The following PDE8B variants were observed in gnomAD, a reference collection of about 807,000 sequenced individuals.
PDE8B encodes phosphodiesterase 8B, also known as high affinity cAMP-specific and IBMX-insensitive 3',5'-cyclic phosphodiesterase 8B.
PDE8B carries 26 observed loss-of-function variants against 101.3 expected under a neutral mutation model. The ratio of observed to expected loss-of-function variants is 0.26; its 90% CI spans 0.19 to 0.36. The LOEUF (loss-of-function observed/expected upper bound fraction) is 0.36. Ranked by LOEUF, PDE8B falls within the 10% of genes least tolerant of loss-of-function variation. PDE8B has a pLI of 1.00. For missense variants in PDE8B, 810 were observed against 1,163.1 expected (o/e 0.70, Z 4.42); for synonymous variants, 424 against 429.3 (o/e 0.99, Z 0.15).
chr5:77,105,754 A>G, the PDE8B span: 1 of 152,228 alleles, frequency 6.6e-6, no homozygotes, highest in Admixed American at 6.5e-5. Flanking sequence ...GTAACATTTT[A>G]CACTCCTACC....
intron 1 of PDE8B, among the ~76,000 whole-genome samples, chr5:77,272,447 C>G (rs942014958): frequency 1.3e-5 from 2 of 152,196 alleles, no homozygotes; most frequent in African/African-American, 4.8e-5. Flanking sequence ...CCTGTTATTT[C>G]ACAATCAGTG....
chr5:77,292,074 C>G (rs1300077624), intron 1 of PDE8B, among the ~76,000 whole-genome samples: 1 of 150,534 alleles, frequency 6.6e-6, no homozygotes, highest in Non-Finnish European at 1.5e-5. Flanking sequence ...ACATTTTGTG[C>G]TAAGGAGCAA....
At chr5:77,412,043 C>T in intron 15 of PDE8B, 57 bp from the exon 16 acceptor site, 1 of 1,585,688 alleles carries the variant, frequency 6.3e-7, no homozygotes, top group Non-Finnish European at 8.7e-7. Context: ...TGACAGACAC[C>T]CGGGCACTCA....
intron 17 of PDE8B, among the ~76,000 whole-genome samples, chr5:77,417,676 G>T (rs1173550910): frequency 1.3e-5 from 2 of 152,104 alleles, no homozygotes; most frequent in Non-Finnish European, 2.9e-5. Flanking sequence ...GCTGAATTTT[G>T]TTCTTATTTG....
the PDE8B span, among the ~76,000 whole-genome samples, chr5:77,120,071 G>A: frequency 6.6e-6 from 1 of 152,158 alleles, no homozygotes; most frequent in African/African-American, 2.4e-5. Flanking sequence ...ACTGTGGTAT[G>A]TTCATGCAAT....
At chr5:77,312,456 A>C (rs1772889949) in intron 2 of PDE8B, among the ~76,000 whole-genome samples, 1 of 152,190 alleles carries the variant, frequency 6.6e-6, no homozygotes, top group African/African-American at 2.4e-5. Flanking sequence ...TTGAGTATAA[A>C]TATGATGGAC....
the PDE8B span, among the ~76,000 whole-genome samples, chr5:77,198,729 G>T: frequency 0.05 from 7,620 of 152,032 alleles, 354 homozygotes; most frequent in African/African-American, 0.12. Context: ...GGTAAATTTG[G>T]TCCCTGATTA....
chr5:77,351,240 T>G, intron 9 of PDE8B, 87 bp downstream of exon 9: 1 of 968,674 alleles, frequency 1.0e-6, no homozygotes, highest in Non-Finnish European at 1.7e-6. Flanking sequence ...AGTATGAGCC[T>G]TACATCCACA....
intron 1 of PDE8B, among the ~76,000 whole-genome samples, chr5:77,251,551 G>A (rs1458077145): frequency 6.6e-6 from 1 of 152,154 alleles, no homozygotes; most frequent in African/African-American, 2.4e-5. Context: ...TGAGTCCATG[G>A]ATTGATGTCT....
intron 1 of PDE8B, among the ~76,000 whole-genome samples, chr5:77,272,294 T>G (rs1365909316): frequency 6.6e-6 from 1 of 152,200 alleles, no homozygotes; most frequent in Non-Finnish European, 1.5e-5. Flanking sequence ...TAAGTTGATA[T>G]CATTGTACTT....
intron 1 of PDE8B, chr5:77,290,795 C>A: frequency 6.7e-7 from 1 of 1,486,214 alleles, no homozygotes; most frequent in Non-Finnish European, 9.4e-7. Flanking sequence ...ATGGTTGGAA[C>A]AACGCCATTG....
chr5:77,351,517 G>A (rs1781117714), intron 9 of PDE8B, among the ~76,000 whole-genome samples: 1 of 152,028 alleles, frequency 6.6e-6, no homozygotes, highest in African/African-American at 2.4e-5. Context: ...CTTTTCTCCT[G>A]CTTGAGGCCC....
chr5:77,238,290 G>C (rs1295827076), intron 1 of PDE8B, among the ~76,000 whole-genome samples: 1 of 151,988 alleles, frequency 6.6e-6, no homozygotes, highest in Non-Finnish European at 1.5e-5. Context: ...GTTCAGATTG[G>C]ATAATTTGTA....
At chr5:77,090,287 T>C in the PDE8B span, among the ~76,000 whole-genome samples, 1 of 152,212 alleles carries the variant, frequency 6.6e-6, no homozygotes, top group Non-Finnish European at 1.5e-5. Flanking sequence ...TCGCCCAGGC[T>C]GGAGTGCAGT....
intron 1 of PDE8B, among the ~76,000 whole-genome samples, chr5:77,265,774 G>A (rs1761563414): frequency 6.6e-6 from 1 of 152,136 alleles, no homozygotes; most frequent in South Asian, 2.1e-4. Context: ...ATAAGAAAAG[G>A]CAAAATGTTT....
chr5:77,302,766 C>A (rs372942982), intron 1 of PDE8B, among the ~76,000 whole-genome samples: 1 of 152,306 alleles, frequency 6.6e-6, no homozygotes, highest in South Asian at 2.1e-4. Flanking sequence ...TTCATCCTCT[C>A]GGGTAAGTGG....
chr5:77,221,320 G>T (rs1422222863), intron 1 of PDE8B, among the ~76,000 whole-genome samples: 1 of 152,042 alleles, frequency 6.6e-6, no homozygotes, highest in African/African-American at 2.4e-5. Context: ...AGGAACCTGG[G>T]TTGTTTGTCC....
At chr5:77,362,624 T>C (rs1373014363) in intron 10 of PDE8B, among the ~76,000 whole-genome samples, 1 of 152,232 alleles carries the variant, frequency 6.6e-6, no homozygotes, top group Non-Finnish European at 1.5e-5. Flanking sequence ...AAGGGCTCAG[T>C]GGTGGTTCCT....
At chr5:77,385,433 T>TC (rs1491544534) in intron 10 of PDE8B, among the ~76,000 whole-genome samples, 1 of 73,072 alleles carries the variant, frequency 1.4e-5, no homozygotes, top group East Asian at 3.6e-4. Flanking sequence ...GATTCATTGA[T>TC]TTTTTTTTTT....
Sources: allele counts gnomAD v4.1 joint callset (sites outside exome capture counted in the v4.1 genomes callset), GRCh38; gene constraint gnomAD v4.1.1; transcripts MANE v1.5; gene names NCBI Gene and HGNC (gene_info 2026-07-23, HGNC 2026-07-21).